GPC5: variants seen among roughly 807,000 people sequenced by gnomAD.
The protein encoded by GPC5 is glypican 5.
A neutral mutation model predicts 53.9 loss-of-function variants in GPC5; 47 were observed. The ratio of observed to expected loss-of-function variants is 0.87; its 90% CI spans 0.69 to 1.11. The LOEUF (loss-of-function observed/expected upper bound fraction) is 1.11, where lower values mean the gene tolerates loss of function less well. Among genes scored for constraint, GPC5 ranks in the 50% most tolerant of loss-of-function variants. The pLI is 0.00. For synonymous variants in GPC5, 286 were observed against 263.3 expected (o/e 1.09, Z -0.84); for missense variants, 748 against 713.1 (o/e 1.05, Z -0.56).
chr13:92,741,989 G>A (rs1360701573), intron 7 of GPC5, among the ~76,000 whole-genome samples: 1 of 151,986 alleles, frequency 6.6e-6, no homozygotes, highest in Non-Finnish European at 1.5e-5. Context: ...TATCATTGTT[G>A]GACATTTGGG....
intron 4 of GPC5, among the ~76,000 whole-genome samples, chr13:91,730,645 A>G (rs2036676816): frequency 6.6e-6 from 1 of 152,238 alleles, no homozygotes; most frequent in East Asian, 1.9e-4. Flanking sequence ...ATAAGTAAAC[A>G]GGCTTAACTG....
chr13:92,277,256 A>T (rs1371145275), intron 7 of GPC5, among the ~76,000 whole-genome samples: 3 of 152,062 alleles, frequency 2.0e-5, no homozygotes, highest in Non-Finnish European at 4.4e-5. Flanking sequence ...TTTGAGAAGC[A>T]GAGAAGAAGG....
At chr13:91,667,311 T>C (rs2035138441) in intron 2 of GPC5, among the ~76,000 whole-genome samples, 1 of 152,250 alleles carries the variant, frequency 6.6e-6, no homozygotes, top group African/African-American at 2.4e-5. Context: ...TGTATGTGTG[T>C]GTGGGTATGT....
At chr13:92,784,920 A>G (rs1025332232) in intron 7 of GPC5, among the ~76,000 whole-genome samples, 6 of 152,184 alleles carry the variant, frequency 3.9e-5, no homozygotes, top group Admixed American at 3.9e-4. Flanking sequence ...TCATTTAGAT[A>G]TTTGATATCT....
chr13:91,974,879 G>C (rs2040282848), intron 6 of GPC5, among the ~76,000 whole-genome samples: 1 of 152,126 alleles, frequency 6.6e-6, no homozygotes, highest in South Asian at 2.1e-4. Flanking sequence ...ATACTACAAG[G>C]CTACAGTAAC....
At chr13:92,283,492 G>A (rs941022447) in intron 7 of GPC5, among the ~76,000 whole-genome samples, 1 of 152,182 alleles carries the variant, frequency 6.6e-6, no homozygotes, top group Non-Finnish European at 1.5e-5. Flanking sequence ...ATAGTTGGAA[G>A]TAAAGCACTC....
At chr13:92,555,478 TATAAAC>T (rs1357854289) in intron 7 of GPC5, among the ~76,000 whole-genome samples, 4 of 151,384 alleles carry the variant, frequency 2.6e-5, no homozygotes, top group African/African-American at 9.7e-5. Context: ...GACTTAATCT[TATAAAC>T]ATATGCAACA....
At chr13:91,699,377 T>TG (rs1032457232) in intron 3 of GPC5, among the ~76,000 whole-genome samples, 3 of 152,202 alleles carry the variant, frequency 2.0e-5, no homozygotes, top group Admixed American at 6.5e-5. Context: ...ACGAAGCCCA[T>TG]GGGTGGTTGG....
intron 7 of GPC5, among the ~76,000 whole-genome samples, chr13:92,532,601 A>C (rs1461862939): frequency 3.3e-5 from 5 of 152,156 alleles, no homozygotes; most frequent in Non-Finnish European, 7.4e-5. Context: ...GGATCCCCCA[A>C]AAGACTGAAG....
At chr13:91,849,194 C>T (rs2038885516) in intron 5 of GPC5, among the ~76,000 whole-genome samples, 1 of 152,152 alleles carries the variant, frequency 6.6e-6, no homozygotes. Flanking sequence ...ACATACATGC[C>T]TGTTTCAAAA....
At chr13:92,748,867 A>C (rs2139321847) in intron 7 of GPC5, among the ~76,000 whole-genome samples, 1 of 152,238 alleles carries the variant, frequency 6.6e-6, no homozygotes, top group Middle Eastern at 3.4e-3. Context: ...TGAATGCTTT[A>C]GTGTATGGAT....
chr13:92,511,634 T>C (rs576249433), intron 7 of GPC5, among the ~76,000 whole-genome samples: 1 of 152,348 alleles, frequency 6.6e-6, no homozygotes, highest in Admixed American at 6.5e-5. Context: ...CTCTCATATT[T>C]TTCCCACAAA....
At chr13:92,407,678 T>C (rs772072225) in intron 7 of GPC5, among the ~76,000 whole-genome samples, 13 of 152,152 alleles carry the variant, frequency 8.5e-5, no homozygotes, top group Non-Finnish European at 1.5e-4. Context: ...GTACATAGCA[T>C]TGCTCTGCAT....
At chr13:91,616,020 A>G (rs1254039283) in intron 2 of GPC5, among the ~76,000 whole-genome samples, 1 of 152,200 alleles carries the variant, frequency 6.6e-6, no homozygotes, top group Non-Finnish European at 1.5e-5. Flanking sequence ...ATTATTTAAA[A>G]GAATCCAGTG....
At chr13:92,484,278 C>T (rs1016275810) in intron 7 of GPC5, among the ~76,000 whole-genome samples, 1 of 152,216 alleles carries the variant, frequency 6.6e-6, no homozygotes, top group African/African-American at 2.4e-5. Context: ...ATGATAACAA[C>T]GACTCTTGGA....
chr13:92,376,665 G>C (rs757199242), intron 7 of GPC5, among the ~76,000 whole-genome samples: 2 of 152,084 alleles, frequency 1.3e-5, no homozygotes, highest in African/African-American at 2.4e-5. Flanking sequence ...TTTGAGGTTG[G>C]ATCCAAAAAT....
intron 7 of GPC5, among the ~76,000 whole-genome samples, chr13:92,617,263 T>C (rs898503323): frequency 2.6e-5 from 4 of 152,306 alleles, no homozygotes; most frequent in African/African-American, 9.6e-5. Context: ...ACAACAAGTA[T>C]TGCCACCTAG....
In GPC5 at chr13:92,531,258, G is replaced by T. The variant is rs769155707; in HGVS notation, c.1562-335024G>T. Reference sequence around the variant, plus strand: ...CCATGTAATAAAATATTAATATTAGGTAAGAATATTGTCACAACAGAGATT... The same window carrying T: ...CCATGTAATAAAATATTAATATTAGTTAAGAATATTGTCACAACAGAGATT... On this transcript the variant is annotated intron_variant, in intron 7 of 7. Transcript: ENST00000377067. Among the ~76,000 whole-genome samples, 3 of 151,956 alleles carry T rather than the reference G, an allele frequency of 2.0e-5. No individual in the cohort carries two copies. The South Asian group carries it at 6.2e-4, about 32-fold the overall frequency.
intron 7 of GPC5, among the ~76,000 whole-genome samples, chr13:92,252,261 G>A (rs954220386): frequency 6.6e-6 from 1 of 152,052 alleles, no homozygotes; most frequent in African/African-American, 2.4e-5. Context: ...ATAAAGCAAA[G>A]AAATTAATGT....
Sources: gnomAD v4.1 joint callset for allele counts (sites outside exome capture counted in the v4.1 genomes callset) on GRCh38, gnomAD v4.1.1 for gene constraint, MANE v1.5 for transcripts, NCBI Gene and HGNC (gene_info 2026-07-23, HGNC 2026-07-21) for gene names.